Variants in EZR observed in about 807,000 individuals in gnomAD.
EZR encodes the protein cytovillin 2.
Under a neutral mutation model 74.8 loss-of-function variants are expected in EZR, and 40 were observed. The observed-to-expected ratio is 0.53, with a 90% confidence interval of 0.42 to 0.70. EZR has a LOEUF of 0.70. EZR is among the 30% of genes least tolerant of loss of function. The pLI, the probability that EZR is intolerant of heterozygous loss-of-function variation, is 0.00. For synonymous variants in EZR, 341 were observed against 283.3 expected (o/e 1.20, Z -2.05); for missense variants, 678 against 755.8 (o/e 0.90, Z 1.21).
chr6:158,766,056 G>A lies in EZR; in HGVS notation c.*858C>T, dbSNP rs776375052. ...ACACTAATAATAATCCTGTTTACAC[G>A]TGACTGCAGCAGGCAGGTCCAGCTC... On this transcript the variant is annotated 3_prime_UTR_variant, in exon 14 of 14. Coordinates refer to ENST00000367075, the MANE Select transcript of EZR (RefSeq NM_001111077.2). 1.1e-4 allele frequency: 17 copies of A among 152,568 alleles called. No homozygotes were observed. The highest frequency in any genetic ancestry group is 2.1e-4 in the Non-Finnish European group (14 of 68,032). 9.5% of individuals were successfully genotyped at this position (152,568 alleles called of 1,614,324 possible). A position where few individuals can be genotyped will look rare whatever the true frequency, so the allele number is the denominator to read the frequency against.
chr6:158,775,823 G>A (rs1791261209), intron 8 of EZR, among the ~76,000 whole-genome samples: 2 of 152,216 alleles, frequency 1.3e-5, no homozygotes, highest in Admixed American at 1.3e-4. Flanking sequence ...ACTGGTCTTT[G>A]CAGCTATTAC....
At chr6:158,785,270 A>G (rs760745931) in intron 5 of EZR, 39 bp downstream of exon 5, 2 of 1,604,634 alleles carry the variant, frequency 1.2e-6, no homozygotes, top group South Asian at 2.2e-5. Flanking sequence ...CGAGGACGGC[A>G]TGACTGCTCC....
At chr6:158,775,232 C>T (rs2128567503) in intron 8 of EZR, among the ~76,000 whole-genome samples, 1 of 152,190 alleles carries the variant, frequency 6.6e-6, no homozygotes, top group South Asian at 2.1e-4. Flanking sequence ...GGGGTTTTCA[C>T]TGTGTTGGCC....
At chr6:158,802,588 G>A (rs1203753669) in intron 2 of EZR, among the ~76,000 whole-genome samples, 1 of 152,180 alleles carries the variant, frequency 6.6e-6, no homozygotes, top group Non-Finnish European at 1.5e-5. Context: ...CTGGAGTGCA[G>A]TGGCGCAATC....
chr6:158,783,776 A>ATGCTGTG (rs1445968824), intron 6 of EZR, 110 bp from the exon 7 acceptor site: 32 of 1,209,462 alleles, frequency 2.6e-5, no homozygotes, highest in Middle Eastern at 2.2e-4. Flanking sequence ...GATGGGCTCA[A>ATGCTGTG]TGCTGTGTGC....
intron 2 of EZR, among the ~76,000 whole-genome samples, chr6:158,802,961 A>G (rs537671602): frequency 6.6e-6 from 1 of 151,214 alleles, no homozygotes; most frequent in Admixed American, 6.6e-5. Flanking sequence ...GGAAGCAGGA[A>G]CTCATTTCCC....
At chr6:158,805,169 T>C (rs535977377) in intron 2 of EZR, among the ~76,000 whole-genome samples, 1 of 151,548 alleles carries the variant, frequency 6.6e-6, no homozygotes, top group African/African-American at 2.4e-5. Context: ...GGTGAAACCA[T>C]CTCTACTAAA....
rs560786138 is a variant in EZR at position 158,766,298 on chromosome 6, CAAA to C, written c.*613_*615del. 14 of 90,162 alleles carry C rather than the reference CAAA, an allele frequency of 1.6e-4. No individual in the cohort carries two copies. Among genetic ancestry groups the C allele is most frequent in the Admixed American group, 3.4e-4 (3 of 8,774 alleles). 5.6% of individuals were successfully genotyped at this position (90,162 alleles called of 1,614,324 possible). ...TACAATGTATTCTAAAACTGTTAAGCAAAAAAAAAAAAAACAAAAAAAAAAATC... is the reference window on the plus strand; with the variant it reads ...TACAATGTATTCTAAAACTGTTAAGCAAAAAAAAAAACAAAAAAAAAAATC... On this transcript the variant is annotated 3_prime_UTR_variant, in exon 14 of 14. Coordinates refer to ENST00000367075, the MANE Select transcript of EZR (RefSeq NM_001111077.2).
In EZR at chr6:158,771,251, G is replaced by C. The variant is rs974651390; in HGVS notation, c.952C>G (p.Leu318Val). 6.2e-7 allele frequency: 1 copy of C among 1,612,462 alleles called. No individual in the cohort carries two copies. The highest frequency in any genetic ancestry group is 1.3e-5 in the African/African-American group (1 of 74,974). The change falls in exon 9 of 14, where the codon CTG becomes GTG. Residue 318 changes from leucine to valine, a missense_variant. Leu to Val is a conservative substitution (Grantham distance 32, BLOSUM62 1). Around this residue, in one of 3 missense-constraint regions of EZR, gnomAD observed 119 missense variants for 182.3 expected, o/e 0.65. Transcript: ENST00000367075. ...CTGGCCTCACGCGCTCACCGCTCCAGCTGCTTCTGATGCTTCTCCTCCCGG... is the reference window on the plus strand; with the variant it reads ...CTGGCCTCACGCGCTCACCGCTCCACCTGCTTCTGATGCTTCTCCTCCCGG... Reference protein sequence around the residue: ...QAREEKHQKQLERQQLETEKK... With the variant: ...QAREEKHQKQVERQQLETEKK...
intron 2 of EZR, among the ~76,000 whole-genome samples, chr6:158,801,229 C>T (rs1434264281): frequency 6.6e-6 from 1 of 152,224 alleles, no homozygotes; most frequent in Non-Finnish European, 1.5e-5. Context: ...ATTCTCCTGC[C>T]TCAGTCTCCA....
At chr6:158,789,581 C>CT in intron 2 of EZR, 1 of 708,168 alleles carries the variant, frequency 1.4e-6, no homozygotes, top group Non-Finnish European at 2.6e-6. Flanking sequence ...AACGCAGCTT[C>CT]TTTGCTTTAA....
chr6:158,769,355 C>T lies in EZR; in HGVS notation c.1315G>A (p.Glu439Lys), dbSNP rs1214823969. The T allele has an allele frequency of 1.2e-6, 2 of 1,609,876 alleles. No homozygotes were observed. The highest frequency in any genetic ancestry group is 1.7e-6 in the Non-Finnish European group (2 of 1,180,020). The change falls in exon 12 of 14, where the codon GAG (glutamate) becomes AAG (lysine). Residue 439 changes from glutamate to lysine, a missense_variant. By Grantham distance (56) the Glu-to-Lys change is moderately conservative. Transcript: ENST00000367075. ...TGCTGCCACTCTTCAACTTCATCCT[C>T]CTTGCGCCTCCGCGCCTCTTCCAGG... is the stretch of plus-strand genomic sequence containing the variant. ...ALLEEARRRK[E>K]DEVEEWQHRA... is the part of the protein sequence containing the mutation.
chr6:158,813,880 C>T (rs1184520568), intron 2 of EZR, among the ~76,000 whole-genome samples: 3 of 152,098 alleles, frequency 2.0e-5, no homozygotes, highest in Non-Finnish European at 4.4e-5. Flanking sequence ...GATCTCAGCC[C>T]TGAACACAAT....
chr6:158,792,927 T>C (rs1554273955), intron 2 of EZR, among the ~76,000 whole-genome samples: 1 of 152,058 alleles, frequency 6.6e-6, no homozygotes, highest in Non-Finnish European at 1.5e-5. Flanking sequence ...TGCCAACTCT[T>C]AGCTGGTCCG....
chr6:158,771,068 G>A (rs1791092155), intron 9 of EZR, among the ~76,000 whole-genome samples, 174 bp from the exon 10 acceptor site: 1 of 152,210 alleles, frequency 6.6e-6, no homozygotes, highest in Non-Finnish European at 1.5e-5. Context: ...GCTGACAACA[G>A]GCTCAGCACC....
rs1790850747 is a variant in EZR at position 158,766,491 on chromosome 6, C to T, written c.*423G>A. ...TGTAAATATACAAAGATGGATCCTT[C>T]ATAGAAATTAAAAAATCAATTTGAG... On this transcript the variant is annotated 3_prime_UTR_variant, in exon 14 of 14. Transcript: ENST00000367075. 6.2e-6 allele frequency: 1 copy of T among 161,456 alleles called. No homozygotes were observed. Among genetic ancestry groups the T allele is most frequent in the Non-Finnish European group, 1.3e-5 (1 of 74,240 alleles). The allele number at this position is 161,456 out of a possible 1,614,324, so 10.0% of individuals were successfully genotyped here.
At chr6:158,768,594 C>T (rs1422643822) in intron 12 of EZR, among the ~76,000 whole-genome samples, 1 of 152,158 alleles carries the variant, frequency 6.6e-6, no homozygotes, top group East Asian at 1.9e-4. Context: ...GTGCAGTCTC[C>T]AGTGGGAACC....
At chr6:158,770,064 G>T (rs1352763291) in intron 10 of EZR, 120 bp from the exon 11 acceptor site, 1 of 1,304,684 alleles carries the variant, frequency 7.7e-7, no homozygotes, top group Non-Finnish European at 1.0e-6. Flanking sequence ...TTGAGGGGAT[G>T]TCTTCCAGTG....
chr6:158,818,644 G>A (rs898307096), intron 1 of EZR, among the ~76,000 whole-genome samples: 3 of 149,738 alleles, frequency 2.0e-5, no homozygotes, highest in Non-Finnish European at 4.5e-5. Flanking sequence ...CACTCGAGGT[G>A]CACCCAGCGG....
Sources: allele counts gnomAD v4.1 joint callset (sites outside exome capture counted in the v4.1 genomes callset), GRCh38; gene constraint gnomAD v4.1.1; regional missense constraint gnomAD v4.1.1; transcripts MANE v1.5; gene names NCBI Gene and HGNC (gene_info 2026-07-23, HGNC 2026-07-21).